The following SGCZ variants were observed in gnomAD, a reference collection of about 807,000 sequenced individuals.
The protein encoded by SGCZ is zeta-sarcoglycan.
Under a neutral mutation model 41.3 loss-of-function variants are expected in SGCZ, and 40 were observed. The observed-to-expected ratio is 0.97, with a 90% CI of 0.75 to 1.26. The LOEUF (loss-of-function observed/expected upper bound fraction) is 1.26. Ranked by LOEUF, SGCZ falls within the 50% of genes most tolerant of loss-of-function variation. The pLI is 0.00. For synonymous variants in SGCZ, 206 were observed against 137.5 expected, an observed-to-expected ratio of 1.50 and a Z score of -3.49; for missense variants, 552 against 369.8, an observed-to-expected ratio of 1.49 and a Z score of -4.04.
In SGCZ at chr8:14,333,656, A is replaced by G. The variant is rs73516205; in HGVS notation, c.235-9452T>C. On this transcript the variant is annotated intron_variant, in intron 2 of 7. Coordinates refer to ENST00000382080, the MANE Select transcript of SGCZ (RefSeq NM_139167.4). ...TAGAGAAACACACTGTGTCTAATACAGAGGTCTCCTAACATTTTGGTCAAT... is the reference window on the plus strand; with the variant it reads ...TAGAGAAACACACTGTGTCTAATACGGAGGTCTCCTAACATTTTGGTCAAT... 2.4e-3 allele frequency among the ~76,000 whole-genome samples: 371 copies of G among 152,298 alleles called. 2 individuals are homozygous for G. Among genetic ancestry groups the G allele is most frequent in the African/African-American group, 8.4e-3 (349 of 41,574 alleles).
intron 4 of SGCZ, among the ~76,000 whole-genome samples, chr8:14,225,956 T>C (rs998900341): frequency 6.9e-4 from 105 of 152,060 alleles, no homozygotes; most frequent in African/African-American, 2.4e-3. Context: ...ATAGACCTTA[T>C]CAAAAGTTTC....
At chr8:14,112,713 T>C (rs1802412143) in intron 5 of SGCZ, among the ~76,000 whole-genome samples, 1 of 152,110 alleles carries the variant, frequency 6.6e-6, no homozygotes, top group Non-Finnish European at 1.5e-5. Context: ...TTGGTTTTTA[T>C]TTGTAAAATT....
At chr8:14,552,809 C>T (rs1459691224) in intron 2 of SGCZ, among the ~76,000 whole-genome samples, 2 of 151,944 alleles carry the variant, frequency 1.3e-5, no homozygotes, top group Non-Finnish European at 2.9e-5. Context: ...AGTATATTTT[C>T]CTAATTAATT....
chr8:15,017,126 C>T (rs912935845), intron 1 of SGCZ, among the ~76,000 whole-genome samples: 4 of 152,162 alleles, frequency 2.6e-5, no homozygotes, highest in African/African-American at 7.2e-5. Flanking sequence ...TTTATGGATT[C>T]AAGCCTAGAT....
chr8:14,438,090 G>T (rs942287264), intron 2 of SGCZ, among the ~76,000 whole-genome samples: 1 of 151,044 alleles, frequency 6.6e-6, no homozygotes, highest in African/African-American at 2.4e-5. Context: ...TAATTGATGG[G>T]TATTTTAGAG....
intron 2 of SGCZ, among the ~76,000 whole-genome samples, chr8:14,492,089 A>C (rs921536971): frequency 2.0e-5 from 3 of 152,340 alleles, no homozygotes; most frequent in Middle Eastern, 3.4e-3. Context: ...ATAGAAGTAA[A>C]TGATAGATAT....
chr8:14,626,414 T>C (rs1390054127), intron 1 of SGCZ, among the ~76,000 whole-genome samples: 1 of 152,170 alleles, frequency 6.6e-6, no homozygotes, highest in African/African-American at 2.4e-5. Flanking sequence ...TAGAAAACAC[T>C]GGCCTTAGGT....
chr8:14,515,652 T>C (rs897215670), intron 2 of SGCZ, among the ~76,000 whole-genome samples: 4 of 152,138 alleles, frequency 2.6e-5, no homozygotes, highest in Non-Finnish European at 5.9e-5. Flanking sequence ...TCTGTAAGTT[T>C]ATGTGAGTGA....
intron 2 of SGCZ, among the ~76,000 whole-genome samples, chr8:14,515,732 G>A (rs1802601117): frequency 2.0e-5 from 3 of 152,138 alleles, no homozygotes; most frequent in South Asian, 4.1e-4. Flanking sequence ...TGAAATTCAA[G>A]GTGAACACTT....
intron 1 of SGCZ, among the ~76,000 whole-genome samples, chr8:15,104,383 TCAGA>T (rs1806736447): frequency 6.6e-6 from 1 of 152,172 alleles, no homozygotes; most frequent in Admixed American, 6.6e-5. Flanking sequence ...CACTGGCACA[TCAGA>T]CAGAGAGAAA....
At chr8:14,559,632 T>C (rs2117203280) in intron 1 of SGCZ, among the ~76,000 whole-genome samples, 1 of 152,204 alleles carries the variant, frequency 6.6e-6, no homozygotes, top group African/African-American at 2.4e-5. Context: ...TGTTTTAATT[T>C]CAAAATTACT....
chr8:14,869,050 A>C (rs1350919052), intron 1 of SGCZ, among the ~76,000 whole-genome samples: 3 of 152,120 alleles, frequency 2.0e-5, no homozygotes, highest in Non-Finnish European at 2.9e-5. Flanking sequence ...AACTATTCCA[A>C]ACAACAGAAA....
chr8:14,539,581 C>T (rs139875646), intron 2 of SGCZ, among the ~76,000 whole-genome samples: 2 of 151,756 alleles, frequency 1.3e-5, no homozygotes, highest in African/African-American at 4.8e-5. Context: ...GGTACAAGTA[C>T]CGGTTTGTTA....
intron 1 of SGCZ, among the ~76,000 whole-genome samples, chr8:14,933,087 TGTTTTTCAACACA>T (rs1210280597): frequency 6.6e-6 from 1 of 151,926 alleles, no homozygotes; most frequent in African/African-American, 2.4e-5. Context: ...GCTGAAAAAC[TGTTTTTCAACACA>T]GTTTTTGACT....
intron 1 of SGCZ, among the ~76,000 whole-genome samples, chr8:14,991,106 T>C (rs551695293): frequency 2.6e-5 from 4 of 152,294 alleles, no homozygotes; most frequent in East Asian, 3.9e-4. Context: ...AAACAAATAT[T>C]TTTAACATTT....
intron 2 of SGCZ, among the ~76,000 whole-genome samples, chr8:14,468,989 T>C (rs537119849): frequency 6.6e-6 from 1 of 152,126 alleles, no homozygotes; most frequent in Non-Finnish European, 1.5e-5. Flanking sequence ...TTGTTTCCAC[T>C]ATAATAACCT....
At chr8:14,448,357 G>A (rs963763126) in intron 2 of SGCZ, among the ~76,000 whole-genome samples, 2 of 152,140 alleles carry the variant, frequency 1.3e-5, no homozygotes, top group East Asian at 1.9e-4. Context: ...TTATTTACAG[G>A]TGCCAATTTC....
At chr8:14,933,937 T>G (rs566360969) in intron 1 of SGCZ, among the ~76,000 whole-genome samples, 1 of 152,164 alleles carries the variant, frequency 6.6e-6, no homozygotes, top group Admixed American at 6.5e-5. Context: ...GAAAATGTTC[T>G]TAATCTTTAC....
chr8:14,219,625 T>C (rs192697856), intron 4 of SGCZ, among the ~76,000 whole-genome samples: 2 of 152,282 alleles, frequency 1.3e-5, no homozygotes, highest in African/African-American at 2.4e-5. Flanking sequence ...CGCGTGCCTA[T>C]AGTCCCAACT....
Sources: allele counts gnomAD v4.1 joint callset (sites outside exome capture counted in the v4.1 genomes callset), GRCh38; gene constraint gnomAD v4.1.1; transcripts MANE v1.5; gene names NCBI Gene and HGNC (gene_info 2026-07-23, HGNC 2026-07-21).